The following DIDO1 variants were observed in gnomAD, a reference collection of about 807,000 sequenced individuals.
DIDO1 encodes the protein death inducer-obliterator 1.
In DIDO1, 16 loss-of-function variants were observed where a neutral mutation model predicts 99.4. The observed-to-expected ratio is 0.16, with a 90% CI of 0.11 to 0.24. The LOEUF is 0.24. Among genes scored for constraint, DIDO1 ranks in the 10% least tolerant of loss-of-function variants. DIDO1 has a pLI of 1.00. For synonymous variants in DIDO1, 1,366 were observed against 1,239.1 expected (o/e 1.10, Z -2.15); for missense variants, 2,996 against 3,014.0 (o/e 0.99, Z 0.14).
At chr20:62,884,374 C>T (rs987351429) in intron 15 of DIDO1, among the ~76,000 whole-genome samples, 6 of 152,250 alleles carry the variant, frequency 3.9e-5, no homozygotes, top group South Asian at 2.1e-4. Context: ...AAGTGATACA[C>T]GTGGGTGGGA....
chr20:62,889,865 T>C, intron 15 of DIDO1: 4 of 985,474 alleles, frequency 4.1e-6, no homozygotes, highest in Non-Finnish European at 4.8e-6. Flanking sequence ...AAATTACTGA[T>C]ACCAACCAAT....
At chr20:62,887,823 G>A in intron 15 of DIDO1, 2 of 985,486 alleles carry the variant, frequency 2.0e-6, no homozygotes, top group Non-Finnish European at 2.4e-6. Context: ...AACTGAGTGG[G>A]GTGAACATCT....
In DIDO1 at chr20:62,880,163, A is replaced by C; in HGVS notation, c.5793T>G (p.Pro1931=). ...GHFVGPRGPH[P]SQFETARGPH... is the part of the protein sequence containing the mutation. ...GGCCCCGGGCAGTTTCAAACTGACTAGGATGGGGCCCTCTTGGGCCCACGA... is the reference window on the plus strand; with the variant it reads ...GGCCCCGGGCAGTTTCAAACTGACTCGGATGGGGCCCTCTTGGGCCCACGA... Residue 1931 remains proline (P), a synonymous_variant, in exon 16 of 16, where the codon CCT becomes CCG. Coordinates refer to ENST00000395343, the MANE Select transcript of DIDO1 (RefSeq NM_001193369.2). 3.1e-6 allele frequency: 5 copies of C among 1,612,384 alleles called. No homozygotes were observed. In the South Asian group the frequency reaches 5.5e-5, roughly 18 times the overall value.
Position 62,896,257 on chromosome 20 carries a change from G to C in DIDO1, c.2190C>G (p.Phe730Leu). 6.2e-7 allele frequency: 1 copy of C among 1,613,796 alleles called. No homozygotes were observed. Among genetic ancestry groups the C allele is most frequent in the Non-Finnish European group, 8.5e-7 (1 of 1,179,946 alleles). ...CCTGATTTTTAGGGTCCTTCAGGTTGAACATGATGCTGCGATATTTACTCT... is the reference window on the plus strand; with the variant it reads ...CCTGATTTTTAGGGTCCTTCAGGTTCAACATGATGCTGCGATATTTACTCT... ...RYKSKYRSIM[F>L]NLKDPKNQGL... The change falls in exon 8 of 16, where the codon TTC (phenylalanine) becomes TTG (leucine). Residue 730 changes from phenylalanine (F) to leucine (L), a missense_variant. Coordinates refer to ENST00000395343, the MANE Select transcript of DIDO1 (RefSeq NM_001193369.2). The surrounding 1 kb of genome is among the most constrained non-coding windows in gnomAD (Gnocchi z 4.4).
intron 1 of DIDO1, among the ~76,000 whole-genome samples, chr20:62,919,323 G>C (rs2065094030): frequency 6.6e-6 from 1 of 152,140 alleles, no homozygotes; most frequent in African/African-American, 2.4e-5. Flanking sequence ...TGGATCACCT[G>C]AGGTCAGGAG....
In DIDO1 at chr20:62,912,980, C is replaced by T. The variant is rs576256240; in HGVS notation, c.-3+1230G>A. 5.3e-5 allele frequency among the ~76,000 whole-genome samples: 8 copies of T among 152,134 alleles called. No individual in the cohort carries two copies. The South Asian group carries it at 1.2e-3, about 24-fold the overall frequency. ...CCAGGAGGTGGAGGTTGCAGTAAGC[C>T]GAGATCGCACCACTGCACTCCAGCC... On this transcript the variant is annotated intron_variant, in intron 2 of 15. Transcript: ENST00000395343.
chr20:62,890,474 C>T (rs560073732), intron 15 of DIDO1: 1 of 992,550 alleles, frequency 1.0e-6, no homozygotes, highest in African/African-American at 1.7e-5. Context: ...ATTTGAGCTG[C>T]AGATTTTAAA....
chr20:62,894,587 C>T lies in DIDO1; in HGVS notation c.2437-39G>A, dbSNP rs1461934947. The stretch of plus-strand genomic sequence containing the variant: ...AGAAAAAAAAGTGAGGTCGTTTCTT[C>T]TCCAAACTCAGCTCCAAATTAACCA... On this transcript the variant is annotated intron_variant, in intron 10 of 15. Coordinates refer to ENST00000395343, the MANE Select transcript of DIDO1 (RefSeq NM_001193369.2). This position sits in a 1 kb window ranked among gnomAD's most constrained non-coding sequence, Gnocchi z 4.4. 2.0e-5 allele frequency: 32 copies of T among 1,593,876 alleles called. No individual in the cohort carries two copies. The highest frequency in any genetic ancestry group is 1.2e-4 in the South Asian group (11 of 90,302).
chr20:62,905,245 G>C (rs551137484), intron 6 of DIDO1: 1 of 1,319,816 alleles, frequency 7.6e-7, no homozygotes, highest in Non-Finnish European at 9.7e-7. Context: ...TTCTAGGTGT[G>C]AACTCACTTA....
intron 6 of DIDO1, 42 bp from the exon 7 acceptor site, chr20:62,897,038 C>G (rs776019060): frequency 1.3e-6 from 2 of 1,548,200 alleles, no homozygotes; most frequent in Admixed American, 4.0e-5. Context: ...GAGGACACCA[C>G]AGGGTGCTGT....
At chr20:62,899,579 AC>A (rs1156748541) in intron 6 of DIDO1, among the ~76,000 whole-genome samples, 4 of 152,230 alleles carry the variant, frequency 2.6e-5, no homozygotes, top group African/African-American at 9.6e-5. Context: ...ACCACCCATT[AC>A]CCAAGAGTGG....
Position 62,911,388 on chromosome 20 carries a change from C to T in DIDO1, c.225G>A (p.Glu75=), listed in dbSNP as rs370243239. 16 of 1,612,164 alleles carry T rather than the reference C, an allele frequency of 9.9e-6. No individual in the cohort carries two copies. Among genetic ancestry groups the T allele is most frequent in the East Asian group, 2.2e-5 (1 of 44,856 alleles). The change falls in exon 3 of 16, where the codon GAG becomes GAA. Residue 75 remains glutamate (E), a synonymous_variant. Coordinates refer to ENST00000395343, the MANE Select transcript of DIDO1 (RefSeq NM_001193369.2). The surrounding 1 kb of genome is among the most constrained non-coding windows in gnomAD (Gnocchi z 7.0). Reference sequence around the variant, plus strand: ...GGCGCCGCGCAATGGTCAGGAACTGCTCCACGCGCTCAGTGCGCTTGGGCT... The same window carrying T: ...GGCGCCGCGCAATGGTCAGGAACTGTTCCACGCGCTCAGTGCGCTTGGGCT... ...GRQPKRTERV[E]QFLTIARRRG...
intron 1 of DIDO1, among the ~76,000 whole-genome samples, chr20:62,937,570 T>C (rs2065404854): frequency 6.6e-6 from 1 of 151,916 alleles, no homozygotes; most frequent in African/African-American, 2.4e-5. Context: ...CAACAACATC[T>C]CGAGTAAAGC....
chr20:62,919,714 G>A (rs2065101121), intron 1 of DIDO1, among the ~76,000 whole-genome samples: 1 of 152,250 alleles, frequency 6.6e-6, no homozygotes, highest in South Asian at 2.1e-4. Flanking sequence ...AACCTGCTGA[G>A]GACTAATGCT....
chr20:62,894,529 C>T lies in DIDO1; in HGVS notation c.2456G>A (p.Arg819His), dbSNP rs138828292. Reference sequence around the variant, plus strand: ...CGCTGTGCTCTTCTCAGGGACAGCACGTGCTGACTCTTGCTGTTCCTAAAA... The same window carrying T: ...CGCTGTGCTCTTCTCAGGGACAGCATGTGCTGACTCTTGCTGTTCCTAAAA... Reference protein sequence around the residue: ...SDSEEQQESARAVPEKSTAPL... With the variant: ...SDSEEQQESAHAVPEKSTAPL... Residue 819 changes from arginine (R) to histidine (H), a missense_variant, in exon 11 of 16, where the codon CGT (arginine) becomes CAT (histidine). By Grantham distance (29) the Arg-to-His change is conservative. This residue lies in a region of DIDO1 where 898 missense variants were observed against 972.7 expected (regional missense o/e 0.92). Coordinates refer to ENST00000395343, the MANE Select transcript of DIDO1 (RefSeq NM_001193369.2). The surrounding 1 kb of genome is among the most constrained non-coding windows in gnomAD (Gnocchi z 4.4). 3.0e-5 allele frequency: 49 copies of T among 1,612,108 alleles called. No individual in the cohort carries two copies. The highest frequency in any genetic ancestry group is 4.4e-5 in the South Asian group (4 of 91,014).
rs1235489188 is a variant in DIDO1, at chr20:62,881,019, G to C, written c.4937C>G (p.Thr1646Arg). ...AEPGEGTRPA[T>R]VGDSSARPAR... The stretch of plus-strand genomic sequence containing the variant: ...AGGCCTGGCCGAGCTGTCTCCAACC[G>C]TGGCGGGGCGGGTGCCCTCCCCAGG... The change falls in exon 16 of 16, where the codon ACG becomes AGG. Residue 1646 changes from threonine (T) to arginine (R), a missense_variant. Physicochemically the swap from Thr to Arg is moderately conservative, Grantham distance 71. Around this residue, in one of 5 missense-constraint regions of DIDO1, gnomAD observed 1,562 missense variants for 1,412.6 expected, o/e 1.11. Coordinates refer to ENST00000395343, the MANE Select transcript of DIDO1 (RefSeq NM_001193369.2). The surrounding 1 kb of genome is among the most constrained non-coding windows in gnomAD (Gnocchi z 8.3). The C allele has an allele frequency of 1.2e-6, 2 of 1,605,348 alleles. No homozygotes were observed. Among genetic ancestry groups the C allele is most frequent in the Non-Finnish European group, 8.5e-7 (1 of 1,178,444 alleles).
chr20:62,890,700 A>G (rs1323307240), intron 15 of DIDO1: 4 of 1,332,960 alleles, frequency 3.0e-6, no homozygotes, highest in Admixed American at 3.2e-5. Flanking sequence ...CCTGAGGCCA[A>G]GATGAGCTGG....
intron 1 of DIDO1, among the ~76,000 whole-genome samples, chr20:62,922,255 C>CAT (rs199599760): frequency 0.22 from 33,213 of 148,200 alleles, 4,073 homozygotes; most frequent in East Asian, 0.31. Flanking sequence ...CACACACACA[C>CAT]ATATATATAC....
upstream of DIDO1, chr20:62,926,580 A>AGCGGAGCCCGGGCT (rs1384947784): frequency 6.6e-6 from 1 of 151,416 alleles, no homozygotes; most frequent in Non-Finnish European, 1.5e-5. Context: ...GCGGGGCTAG[A>AGCGGAGCCCGGGCT]GCGGAGCCCG....
Sources: allele counts gnomAD v4.1 joint callset (sites outside exome capture counted in the v4.1 genomes callset), GRCh38; gene constraint gnomAD v4.1.1; regional missense constraint gnomAD v4.1.1; non-coding constraint Gnocchi (gnomAD v3.1); transcripts MANE v1.5; gene names NCBI Gene and HGNC (gene_info 2026-07-23, HGNC 2026-07-21).